Variants in LCORL observed in about 807,000 individuals in gnomAD.
LCORL encodes the protein ligand-dependent nuclear receptor corepressor-like protein.
A neutral mutation model predicts 141.8 loss-of-function variants in LCORL; 41 were observed. The observed-to-expected ratio is 0.29, with a 90% confidence interval of 0.23 to 0.38. LCORL has a LOEUF of 0.38. LCORL is among the 10% of genes least tolerant of loss of function. LCORL has a pLI of 1.00. For synonymous variants in LCORL, 618 were observed against 694.1 expected, an observed-to-expected ratio of 0.89 and a Z score of 1.72; for missense variants, 1,759 against 2,035.0, an observed-to-expected ratio of 0.86 and a Z score of 2.61.
chr4:17,847,243 T>C (rs1723041823), intron 7 of LCORL, among the ~76,000 whole-genome samples: 1 of 152,214 alleles, frequency 6.6e-6, no homozygotes, highest in South Asian at 2.1e-4. Context: ...AACTACATCA[T>C]TCCTAAACTT....
chr4:17,949,291 A>G (rs1739363701), intron 4 of LCORL, among the ~76,000 whole-genome samples: 1 of 152,150 alleles, frequency 6.6e-6, no homozygotes. Context: ...GGGTGGGCAG[A>G]CAGATGTTTT....
At chr4:17,919,288 A>C (rs1461283431) in intron 4 of LCORL, among the ~76,000 whole-genome samples, 1 of 152,180 alleles carries the variant, frequency 6.6e-6, no homozygotes, top group Non-Finnish European at 1.5e-5. Context: ...GCCCAGGAAC[A>C]AATGGCTTCA....
At chr4:17,873,696 A>T (rs1381576298) in exon 7 of LCORL, 1 of 1,233,824 alleles carries the variant, frequency 8.1e-7, no homozygotes, top group Admixed American at 4.2e-5. Flanking sequence ...TGATTCTTCC[A>T]TATGAGTCTG....
At chr4:17,866,411 T>C (rs143202385) in intron 7 of LCORL, among the ~76,000 whole-genome samples, 311 of 152,340 alleles carry the variant, frequency 2.0e-3, no homozygotes, top group African/African-American at 7.1e-3. Flanking sequence ...GTAGGAACCA[T>C]ATCTGGTTTT....
chr4:17,938,641 G>C (rs1235020315), intron 4 of LCORL, among the ~76,000 whole-genome samples: 1 of 150,304 alleles, frequency 6.7e-6, no homozygotes, highest in Non-Finnish European at 1.5e-5. Context: ...TTGAACTCCT[G>C]ACCTCAGGTG....
exon 7 of LCORL, chr4:17,876,738 T>C (rs1040989554): frequency 3.2e-6 from 4 of 1,230,852 alleles, no homozygotes; most frequent in Non-Finnish European, 4.1e-6. Context: ...TAACTTTGGA[T>C]TTTTCCTATC....
At chr4:17,883,671 CAA>C (rs1158753205) in intron 6 of LCORL, 7 of 1,204,724 alleles carry the variant, frequency 5.8e-6, no homozygotes, top group South Asian at 3.3e-5. Context: ...CACACACACG[CAA>C]ACACACACAC....
chr4:18,021,742 C>T lies in LCORL; in HGVS notation c.10G>A (p.Gly4Arg). 6.6e-7 allele frequency: 1 copy of T among 1,514,026 alleles called. No homozygotes were observed. The allele number at this position is 1,514,026 out of a possible 1,614,324, so 93.8% of individuals were successfully genotyped here. ...GCGGCAGCGGCCATTCTCTCTCTTC[C>T]CTTGTCCATCTGCGTCCCGCGTCAC... is the stretch of plus-strand genomic sequence containing the variant. The change falls in exon 1 of 8, where the codon GGA (glycine) becomes AGA (arginine). Residue 4 changes from glycine to arginine, a missense_variant. Physicochemically the swap from Gly to Arg is moderately radical, Grantham distance 125. This residue lies in a region of LCORL where 86 missense variants were observed against 61.8 expected (regional missense o/e 1.39). Transcript: ENST00000635767. The surrounding 1 kb of genome is among the most constrained non-coding windows in gnomAD (Gnocchi z 5.5).
At chr4:18,004,029 C>A (rs534070512) in intron 1 of LCORL, among the ~76,000 whole-genome samples, 1 of 152,288 alleles carries the variant, frequency 6.6e-6, no homozygotes, top group Admixed American at 6.5e-5. Context: ...AGCAGAAACA[C>A]AAGAGCTTTT....
At chr4:17,976,215 T>C (rs1408934174) in intron 1 of LCORL, among the ~76,000 whole-genome samples, 4 of 152,202 alleles carry the variant, frequency 2.6e-5, no homozygotes, top group Non-Finnish European at 4.4e-5. Context: ...AGTCTGAAAA[T>C]ATCTGTTTTT....
At chr4:17,847,696 A>G (rs1723096996) in intron 7 of LCORL, among the ~76,000 whole-genome samples, 1 of 152,172 alleles carries the variant, frequency 6.6e-6, no homozygotes, top group African/African-American at 2.4e-5. Flanking sequence ...AAAAATTTAC[A>G]TTATTATTAA....
intron 5 of LCORL, among the ~76,000 whole-genome samples, chr4:17,894,513 T>C (rs1577350006): frequency 6.6e-6 from 1 of 152,216 alleles, no homozygotes; most frequent in Admixed American, 6.5e-5. Context: ...GCTAAAAATG[T>C]TAATGTTCAT....
intron 1 of LCORL, among the ~76,000 whole-genome samples, chr4:17,994,610 A>T (rs1425939375): frequency 6.6e-6 from 1 of 152,162 alleles, no homozygotes; most frequent in Non-Finnish European, 1.5e-5. Flanking sequence ...TGGAACACTG[A>T]TCACAACTCT....
At chr4:17,876,192 C>G in exon 7 of LCORL, 1 of 1,230,942 alleles carries the variant, frequency 8.1e-7, no homozygotes. Flanking sequence ...GGAAATCAAG[C>G]GACCCATATC....
At chr4:17,879,290 A>G (rs565275084) in intron 6 of LCORL, among the ~76,000 whole-genome samples, 1 of 151,228 alleles carries the variant, frequency 6.6e-6, no homozygotes, top group Non-Finnish European at 1.5e-5. Context: ...TTCAGAGGTA[A>G]TATTTCACTT....
chr4:17,944,922 G>T (rs1738607100), intron 4 of LCORL, among the ~76,000 whole-genome samples: 1 of 152,126 alleles, frequency 6.6e-6, no homozygotes, highest in African/African-American at 2.4e-5. Flanking sequence ...AGTATGAGCA[G>T]GCTGTGGATA....
chr4:17,850,507 G>T (rs1723522949), intron 7 of LCORL, among the ~76,000 whole-genome samples: 1 of 152,208 alleles, frequency 6.6e-6, no homozygotes, highest in African/African-American at 2.4e-5. Flanking sequence ...GATTTATGCA[G>T]CCAACAGACA....
chr4:18,011,934 A>G (rs1281126323), intron 1 of LCORL, among the ~76,000 whole-genome samples: 1 of 152,198 alleles, frequency 6.6e-6, no homozygotes, highest in African/African-American at 2.4e-5. Context: ...TTTCCATTAC[A>G]TTACACCAAG....
intron 5 of LCORL, among the ~76,000 whole-genome samples, chr4:17,906,710 CAG>C (rs1295498907): frequency 2.3e-5 from 3 of 132,214 alleles, no homozygotes; most frequent in Non-Finnish European, 4.7e-5. Flanking sequence ...TTTTTTGAGA[CAG>C]AGTCTTGCTC....
Sources: allele counts gnomAD v4.1 joint callset (sites outside exome capture counted in the v4.1 genomes callset), GRCh38; gene constraint gnomAD v4.1.1; regional missense constraint gnomAD v4.1.1; non-coding constraint Gnocchi (gnomAD v3.1); transcripts MANE v1.5; gene names NCBI Gene and HGNC (gene_info 2026-07-23, HGNC 2026-07-21).